The following TFCP2 variants were observed in gnomAD, a reference collection of about 807,000 sequenced individuals.
TFCP2 encodes transcription factor CP2, also known as alpha-globin transcription factor CP2.
Under a neutral mutation model 73.4 loss-of-function variants are expected in TFCP2, and 33 were observed. That is an observed-to-expected ratio of 0.45 (90% CI 0.34 to 0.60). The LOEUF is 0.60. Ranked by LOEUF, TFCP2 falls within the 20% of genes least tolerant of loss-of-function variation. The probability of loss-of-function intolerance (pLI) is 0.01; values close to 1 mark genes in which losing one functional copy is unlikely to be tolerated. For synonymous variants in TFCP2, 193 were observed against 211.6 expected (o/e 0.91, Z 0.76); for missense variants, 352 against 604.0 (o/e 0.58, Z 4.37).
In TFCP2 at chr12:51,095,209, G is replaced by GGAGC. The variant is rs1401317431; in HGVS notation, c.*28_*31dup. The stretch of plus-strand genomic sequence containing the variant: ...AGGGCCGTTTTCAGAGGTGAAGGAA[G>GGAGC]GAGCAGCCACTGGGCACGAAACGCC... On this transcript the variant is annotated 3_prime_UTR_variant, in exon 15 of 15. Transcript: ENST00000257915. 5 of 1,612,890 alleles carry GGAGC rather than the reference G, an allele frequency of 3.1e-6. No homozygotes were observed. Among genetic ancestry groups the GGAGC allele is most frequent in the Non-Finnish European group, 4.2e-6 (5 of 1,179,054 alleles).
intron 1 of TFCP2, chr12:51,124,515 T>TA: frequency 5.1e-6 from 2 of 393,690 alleles, no homozygotes; most frequent in South Asian, 4.0e-5. Flanking sequence ...GGTAGGGGGG[T>TA]AAGGCAGTGT....
At chr12:51,113,465 A>G (rs775337538) in intron 4 of TFCP2, among the ~76,000 whole-genome samples, 4 of 152,210 alleles carry the variant, frequency 2.6e-5, no homozygotes, top group Non-Finnish European at 5.9e-5. Flanking sequence ...CATAGCTTCT[A>G]ATACCAGAAC....
chr12:51,118,896 T>C (rs1592802454), intron 1 of TFCP2, 124 bp from the exon 2 acceptor site: 4 of 1,090,622 alleles, frequency 3.7e-6, no homozygotes, highest in South Asian at 1.5e-5. Flanking sequence ...TGGAGTTTCA[T>C]CCCAAGAATT....
At chr12:51,142,152 C>T (rs1941206577) in intron 1 of TFCP2, among the ~76,000 whole-genome samples, 2 of 121,820 alleles carry the variant, frequency 1.6e-5, no homozygotes, top group Middle Eastern at 7.5e-3. Context: ...TGCAGTGAGC[C>T]GAGATTGTGC....
chr12:51,162,388 G>C (rs1482292944), intron 1 of TFCP2, among the ~76,000 whole-genome samples: 1 of 151,278 alleles, frequency 6.6e-6, no homozygotes, highest in Non-Finnish European at 1.5e-5. Flanking sequence ...GGAGGTTGCA[G>C]TGAGCCAAAA....
chr12:51,147,324 G>T (rs1941318445), intron 1 of TFCP2, among the ~76,000 whole-genome samples: 1 of 151,422 alleles, frequency 6.6e-6, no homozygotes, highest in Non-Finnish European at 1.5e-5. Context: ...GCCTCAGCAA[G>T]ACTTCATCTC....
intron 10 of TFCP2, among the ~76,000 whole-genome samples, chr12:51,102,584 G>A (rs1940137459): frequency 6.6e-6 from 1 of 151,916 alleles, no homozygotes; most frequent in Admixed American, 6.6e-5. Flanking sequence ...AAATTAGTCG[G>A]GTGTGGTGGT....
At chr12:51,106,853 T>C in intron 7 of TFCP2, 1 of 500,760 alleles carries the variant, frequency 2.0e-6, no homozygotes, top group Non-Finnish European at 3.6e-6. Flanking sequence ...GCCATTTTTG[T>C]TGGTTATAAG....
intron 7 of TFCP2, 173 bp downstream of exon 7, chr12:51,107,063 G>C: frequency 1.5e-6 from 1 of 645,376 alleles, no homozygotes. Flanking sequence ...ACAGTGGCAT[G>C]GTTCGTGCCA....
chr12:51,156,025 G>C (rs982522957), intron 1 of TFCP2, among the ~76,000 whole-genome samples: 3 of 147,844 alleles, frequency 2.0e-5, no homozygotes, highest in African/African-American at 7.5e-5. Context: ...CTCAGTGATA[G>C]AGTGAGACTC....
At chr12:51,117,408 C>G (rs1347714844) in intron 3 of TFCP2, among the ~76,000 whole-genome samples, 2 of 152,180 alleles carry the variant, frequency 1.3e-5, no homozygotes, top group African/African-American at 4.8e-5. Context: ...AAAAGAACTT[C>G]ACTGAGCCAG....
At chr12:51,103,398 C>T (rs752102512) in intron 10 of TFCP2, among the ~76,000 whole-genome samples, 14 of 152,104 alleles carry the variant, frequency 9.2e-5, no homozygotes, top group South Asian at 6.2e-4. Context: ...TAAAACTCTA[C>T]GAAATATACA....
intron 8 of TFCP2, among the ~76,000 whole-genome samples, chr12:51,104,952 T>C (rs1592790662): frequency 6.6e-6 from 1 of 152,158 alleles, no homozygotes; most frequent in African/African-American, 2.4e-5. Flanking sequence ...GACCTTGTGA[T>C]CCGCCCGCCT....
chr12:51,162,966 A>G (rs1320093923), intron 1 of TFCP2: 1 of 152,184 alleles, frequency 6.6e-6, no homozygotes, highest in Non-Finnish European at 1.5e-5. Context: ...ATGGCCTCTG[A>G]GCAAGGATGA....
chr12:51,154,053 TA>T (rs1941486468), intron 1 of TFCP2, among the ~76,000 whole-genome samples: 1 of 149,158 alleles, frequency 6.7e-6, no homozygotes, highest in African/African-American at 2.5e-5. Context: ...TTGATTTTTT[TA>T]CTAGCAGCCA....
rs2136954127 is a variant in TFCP2, at chr12:51,095,134, G to A, written c.*107C>T. ...TGGACTCCTCCACACACAGTCAGACGAGTCAGGTTCTTGCAGACCTTCAAA... is the reference window on the plus strand; with the variant it reads ...TGGACTCCTCCACACACAGTCAGACAAGTCAGGTTCTTGCAGACCTTCAAA... On this transcript the variant is annotated 3_prime_UTR_variant, in exon 15 of 15. Coordinates refer to ENST00000257915, the MANE Select transcript of TFCP2 (RefSeq NM_005653.5). 5 of 1,258,504 alleles carry A rather than the reference G, an allele frequency of 4.0e-6. No homozygotes were observed. The highest frequency in any genetic ancestry group is 5.8e-6 in the Non-Finnish European group (5 of 857,494). 78.0% of individuals were successfully genotyped at this position (1,258,504 alleles called of 1,614,324 possible).
chr12:51,156,045 CAA>C (rs71712150), intron 1 of TFCP2, among the ~76,000 whole-genome samples: 4,784 of 144,034 alleles, frequency 0.033, 80 homozygotes, highest in East Asian at 0.095. Flanking sequence ...CTTTTTGTCT[CAA>C]AAAAAAAAAA....
chr12:51,118,292 C>T (rs1442814836), intron 2 of TFCP2, among the ~76,000 whole-genome samples: 4 of 152,156 alleles, frequency 2.6e-5, no homozygotes, highest in Admixed American at 6.6e-5. Context: ...CGGTGGCTCA[C>T]GCCTGTAATC....
chr12:51,147,532 G>T (rs185630419), intron 1 of TFCP2, among the ~76,000 whole-genome samples: 8 of 151,778 alleles, frequency 5.3e-5, no homozygotes, highest in African/African-American at 1.2e-4. Context: ...GAAGAGGTGG[G>T]GGGGGAAAGA....
Sources: gnomAD v4.1 joint callset for allele counts (sites outside exome capture counted in the v4.1 genomes callset) on GRCh38, gnomAD v4.1.1 for gene constraint, MANE v1.5 for transcripts, NCBI Gene and HGNC (gene_info 2026-07-23, HGNC 2026-07-21) for gene names.